VAV2: variants seen among roughly 807,000 people sequenced by gnomAD.
The protein encoded by VAV2 is vav guanine nucleotide exchange factor 2.
Under a neutral mutation model 132.5 loss-of-function variants are expected in VAV2, and 67 were observed. The observed-to-expected ratio is 0.51, with a 90% CI of 0.42 to 0.62. VAV2 has a LOEUF of 0.62. VAV2 is among the 20% of genes least tolerant of loss of function. The probability of loss-of-function intolerance (pLI) is 0.00; values close to 1 mark genes in which losing one functional copy is unlikely to be tolerated. For synonymous variants in VAV2, 492 were observed against 443.5 expected, an observed-to-expected ratio of 1.11 and a Z score of -1.37; for missense variants, 938 against 1,153.6, an observed-to-expected ratio of 0.81 and a Z score of 2.71.
At chr9:133,803,433 C>G (rs890770066) in intron 9 of VAV2, among the ~76,000 whole-genome samples, 2 of 119,492 alleles carry the variant, frequency 1.7e-5, no homozygotes, top group African/African-American at 5.3e-5. Flanking sequence ...AAGGAAGCCA[C>G]CAGGAGCTGG....
At chr9:133,966,571 T>C (rs1418545839) in intron 1 of VAV2, among the ~76,000 whole-genome samples, 1 of 152,160 alleles carries the variant, frequency 6.6e-6, no homozygotes, top group Non-Finnish European at 1.5e-5. Flanking sequence ...CCAGGCGTGG[T>C]GGCACGCACC....
chr9:133,777,317 G>A, intron 23 of VAV2, 72 bp downstream of exon 23: 1 of 1,512,736 alleles, frequency 6.6e-7, no homozygotes, highest in South Asian at 1.1e-5. Flanking sequence ...ATGTCCACGT[G>A]AGGAGGCAGC....
At chr9:133,842,856 G>T (rs961318761) in intron 3 of VAV2, among the ~76,000 whole-genome samples, 1 of 152,232 alleles carries the variant, frequency 6.6e-6, no homozygotes, top group Non-Finnish European at 1.5e-5. Flanking sequence ...ACTGTGTGCC[G>T]GGGAAACAGC....
intron 2 of VAV2, among the ~76,000 whole-genome samples, chr9:133,907,107 T>G (rs1839686206): frequency 6.6e-6 from 1 of 152,106 alleles, no homozygotes; most frequent in Non-Finnish European, 1.5e-5. Context: ...TGTCCATACC[T>G]CCTTCAGCCA....
In VAV2 at chr9:133,969,887, C is replaced by T. The variant is rs772037875; in HGVS notation, c.204+22188G>A. 1.6e-4 allele frequency among the ~76,000 whole-genome samples: 25 copies of T among 152,094 alleles called. No individual in the cohort carries two copies. The highest frequency in any genetic ancestry group is 2.8e-4 in the Non-Finnish European group (19 of 67,986). The stretch of plus-strand genomic sequence containing the variant: ...GCAGACACAGTGGAGCTTTCCAAAG[C>T]CAAATCTGAGCACGCCACATCTGCA... On this transcript the variant is annotated intron_variant, in intron 1 of 29. Transcript: ENST00000371850. The surrounding 1 kb of genome is among the most constrained non-coding windows in gnomAD (Gnocchi z 5.1).
intron 1 of VAV2, among the ~76,000 whole-genome samples, chr9:133,980,973 G>A (rs28417338): frequency 0.12 from 18,405 of 151,920 alleles, 1,312 homozygotes; most frequent in African/African-American, 0.19. Context: ...GAAGCTCTCC[G>A]CCATCACCCT....
intron 1 of VAV2, among the ~76,000 whole-genome samples, chr9:133,946,546 T>C (rs1841366903): frequency 6.6e-6 from 1 of 152,158 alleles, no homozygotes; most frequent in Non-Finnish European, 1.5e-5. Flanking sequence ...ACATAGTGCG[T>C]TTTCTTGAAA....
intron 1 of VAV2, among the ~76,000 whole-genome samples, chr9:133,970,676 C>T (rs1433280972): frequency 1.3e-5 from 2 of 152,194 alleles, no homozygotes; most frequent in Non-Finnish European, 2.9e-5. Context: ...TAGCTACCAA[C>T]AAGAAAGCTG....
intron 1 of VAV2, among the ~76,000 whole-genome samples, chr9:133,988,389 G>A (rs1433177790): frequency 1.3e-5 from 2 of 152,206 alleles, no homozygotes; most frequent in African/African-American, 4.8e-5. Flanking sequence ...GAGGGAGACT[G>A]CAATCCCTAT....
chr9:133,861,464 T>C (rs372638326), intron 2 of VAV2, 32 bp from the exon 3 acceptor site: 16 of 1,609,028 alleles, frequency 9.9e-6, no homozygotes, highest in Middle Eastern at 1.6e-4. Flanking sequence ...GCTCCTGTAA[T>C]TTCACAAGAA....
intron 1 of VAV2, among the ~76,000 whole-genome samples, chr9:133,951,455 A>C (rs1437959538): frequency 6.6e-6 from 1 of 151,874 alleles, no homozygotes; most frequent in Non-Finnish European, 1.5e-5. Context: ...ACAAAGCCCC[A>C]CCCACTGGTG....
At chr9:133,968,597 T>TAGAG (rs1455618480) in intron 1 of VAV2, among the ~76,000 whole-genome samples, 2 of 151,710 alleles carry the variant, frequency 1.3e-5, no homozygotes, top group Non-Finnish European at 2.9e-5. Context: ...GAGCTGCCGG[T>TAGAG]CCTCTAGAGC....
intron 4 of VAV2, among the ~76,000 whole-genome samples, chr9:133,821,094 C>A (rs1835769665): frequency 6.6e-6 from 1 of 152,212 alleles, no homozygotes; most frequent in African/African-American, 2.4e-5. Flanking sequence ...ATCTCCGTGG[C>A]ACAATTACAT....
intron 1 of VAV2, among the ~76,000 whole-genome samples, chr9:133,939,905 C>T (rs1331209165): frequency 6.6e-6 from 1 of 152,236 alleles, no homozygotes; most frequent in Non-Finnish European, 1.5e-5. Context: ...ATGCATGGGT[C>T]ATCTCCTCTC....
intron 19 of VAV2, among the ~76,000 whole-genome samples, chr9:133,781,939 T>C (rs1240746761): frequency 6.6e-6 from 1 of 151,738 alleles, no homozygotes; most frequent in Non-Finnish European, 1.5e-5. Context: ...CATACAGAGA[T>C]GGGGTGGGCG....
chr9:133,767,762 GC>G, intron 29 of VAV2, among the ~76,000 whole-genome samples: 1 of 152,358 alleles, frequency 6.6e-6, no homozygotes, highest in East Asian at 1.9e-4. Context: ...CCATCCACCT[GC>G]CCTGTGCAGC....
In VAV2 at chr9:133,823,088, C is replaced by T. The variant is rs1835857406; in HGVS notation, c.450-10872G>A. Among the ~76,000 whole-genome samples, 1 of 152,194 alleles carries T rather than the reference C, an allele frequency of 6.6e-6. No individual in the cohort carries two copies. The highest frequency in any genetic ancestry group is 6.5e-5 in the Admixed American group (1 of 15,286). On this transcript the variant is annotated intron_variant, in intron 4 of 29. Coordinates refer to ENST00000371850, the MANE Select transcript of VAV2 (RefSeq NM_001134398.2). The surrounding 1 kb of genome is among the most constrained non-coding windows in gnomAD (Gnocchi z 5.5). ...CAGCGTATGGACCTATGGCTCAGAT[C>T]CTCCAGTATGGGAATCGTGAATGCT...
intron 2 of VAV2, among the ~76,000 whole-genome samples, chr9:133,894,254 G>T (rs555132723): frequency 2.0e-5 from 3 of 152,340 alleles, no homozygotes; most frequent in African/African-American, 7.2e-5. Context: ...GGGAGCCGGG[G>T]CCCGGCCTGG....
intron 11 of VAV2, 73 bp from the exon 12 acceptor site, chr9:133,795,809 C>A: frequency 6.5e-7 from 1 of 1,547,184 alleles, no homozygotes; most frequent in Non-Finnish European, 8.9e-7. Context: ...CTACCTGGGG[C>A]AGGAGGTGTG....
Sources: gnomAD v4.1 joint callset for allele counts (sites outside exome capture counted in the v4.1 genomes callset) on GRCh38, gnomAD v4.1.1 for gene constraint, Gnocchi (gnomAD v3.1) non-coding constraint, MANE v1.5 for transcripts, NCBI Gene and HGNC (gene_info 2026-07-23, HGNC 2026-07-21) for gene names.